Variants in L3MBTL1 observed in about 807,000 individuals in gnomAD.
L3MBTL1 encodes lethal(3)malignant brain tumor-like protein 1.
Under a neutral mutation model 105.3 loss-of-function variants are expected in L3MBTL1, and 75 were observed. The observed-to-expected ratio is 0.71, with a 90% CI of 0.59 to 0.86. The LOEUF is 0.86. Ranked by LOEUF, L3MBTL1 falls within the 40% of genes least tolerant of loss-of-function variation. The pLI is 0.00. For synonymous variants in L3MBTL1, 452 were observed against 436.2 expected, an observed-to-expected ratio of 1.04 and a Z score of -0.45; for missense variants, 1,069 against 1,126.4, an observed-to-expected ratio of 0.95 and a Z score of 0.73.
chr20:43,544,667 A>C (rs533649172), downstream of L3MBTL1, among the ~76,000 whole-genome samples: 1 of 152,316 alleles, frequency 6.6e-6, no homozygotes, highest in African/African-American at 2.4e-5. Flanking sequence ...TCTCTGAATG[A>C]TAAGAACTGA....
chr20:43,530,719 C>T (rs2019291716), intron 10 of L3MBTL1, 79 bp from the exon 11 acceptor site: 2 of 1,338,688 alleles, frequency 1.5e-6, no homozygotes, highest in African/African-American at 2.9e-5. Flanking sequence ...ATGCCTGATT[C>T]TGCTGCTTCA....
At chr20:43,514,290 C>T in intron 3 of L3MBTL1, 1 of 819,488 alleles carries the variant, frequency 1.2e-6, no homozygotes, top group South Asian at 1.8e-5. Context: ...GGGACTGGGC[C>T]TGTGGGTGTC....
At chr20:43,537,450 T>C (rs1423131565) in intron 19 of L3MBTL1, among the ~76,000 whole-genome samples, 9 of 152,074 alleles carry the variant, frequency 5.9e-5, no homozygotes, top group Admixed American at 5.9e-4. Context: ...CTTGTAAGGA[T>C]ACCAATTGAA....
intron 18 of L3MBTL1, among the ~76,000 whole-genome samples, chr20:43,547,102 C>CTTTTTTTTTTT (rs11478523): frequency 8.2e-6 from 1 of 122,646 alleles, no homozygotes; most frequent in African/African-American, 3.2e-5. Context: ...TTTTTAATGA[C>CTTTTTTTTTTT]TTTTTTTTTT....
intron 11 of L3MBTL1, chr20:43,532,462 C>T (rs1242000705): frequency 7.3e-6 from 2 of 273,046 alleles, no homozygotes; most frequent in Non-Finnish European, 1.4e-5. Context: ...AAGGGCTTGT[C>T]TGGGTAGGGA....
At chr20:43,540,118 G>C in intron 19 of L3MBTL1, 33 bp from the exon 20 acceptor site, 1 of 1,606,862 alleles carries the variant, frequency 6.2e-7, no homozygotes, top group Non-Finnish European at 8.5e-7. Context: ...AGTCATCCTC[G>C]TTGGCCTGCC....
At chr20:43,515,190 T>C (rs765660061) in intron 5 of L3MBTL1, 31 bp downstream of exon 5, 1 of 1,614,098 alleles carries the variant, frequency 6.2e-7, no homozygotes, top group Non-Finnish European at 8.5e-7. Flanking sequence ...CCCTACTTGC[T>C]CTACCTTCAG....
At chr20:43,513,180 T>C (rs574401452) in intron 1 of L3MBTL1, among the ~76,000 whole-genome samples, 1 of 152,254 alleles carries the variant, frequency 6.6e-6, no homozygotes, top group East Asian at 1.9e-4. Context: ...TGAGTCATGC[T>C]CCCCAGAGTC....
intron 7 of L3MBTL1, among the ~76,000 whole-genome samples, chr20:43,525,045 G>A (rs189237720): frequency 6.6e-6 from 1 of 152,108 alleles, no homozygotes; most frequent in Admixed American, 6.5e-5. Context: ...AGTAAATGTG[G>A]AGAGATGGAT....
At chr20:43,512,767 T>C (rs1174224017) in intron 1 of L3MBTL1, among the ~76,000 whole-genome samples, 1 of 152,252 alleles carries the variant, frequency 6.6e-6, no homozygotes, top group Non-Finnish European at 1.5e-5. Flanking sequence ...TCTAGGTCTT[T>C]TTCTTTATGT....
chr20:43,536,316 G>A, intron 18 of L3MBTL1, 22 bp downstream of exon 18: 1 of 1,612,154 alleles, frequency 6.2e-7, no homozygotes, highest in Non-Finnish European at 8.5e-7. Context: ...AGGGAATCAG[G>A]GCCCGGGCTT....
intron 12 of L3MBTL1, among the ~76,000 whole-genome samples, 188 bp from the exon 13 acceptor site, chr20:43,533,154 T>C (rs1054711167): frequency 1.3e-5 from 2 of 152,122 alleles, no homozygotes; most frequent in Non-Finnish European, 2.9e-5. Context: ...GATTCATGAT[T>C]TTCCCTTAGA....
chr20:43,520,963 A>C (rs926108718), intron 7 of L3MBTL1, among the ~76,000 whole-genome samples: 3 of 152,216 alleles, frequency 2.0e-5, no homozygotes. Flanking sequence ...GGGTCCATTT[A>C]TACTTCCTAG....
At chr20:43,532,682 C>G in intron 11 of L3MBTL1, 91 bp from the exon 12 acceptor site, 1 of 1,390,656 alleles carries the variant, frequency 7.2e-7, no homozygotes, top group South Asian at 1.3e-5. Flanking sequence ...CCAGGCTTTC[C>G]TAGAGAACCT....
chr20:43,534,841 G>T lies in L3MBTL1; in HGVS notation c.1724G>T (p.Gly575Val). 6.2e-7 allele frequency: 1 copy of T among 1,610,914 alleles called. No homozygotes were observed. Residue 575 changes from glycine to valine, a missense_variant, in exon 16 of 22, where the codon GGC (glycine) becomes GTC (valine). Coordinates refer to ENST00000418998, the MANE Select transcript of L3MBTL1 (RefSeq NM_001377303.1). ...TTTCCTCCCCAGATCCACTTTGATG[G>T]CTGGAGTCATGGCTATGATTTCTGG... ...EDHRIKIHFD[G>V]WSHGYDFWID...
intron 7 of L3MBTL1, among the ~76,000 whole-genome samples, chr20:43,522,430 A>AATGGT (rs2018763023): frequency 6.8e-6 from 1 of 146,406 alleles, no homozygotes; most frequent in South Asian, 2.2e-4. Flanking sequence ...GTGGGATTGT[A>AATGGT]ATGGTAACTG....
chr20:43,513,561 G>T lies in L3MBTL1; in HGVS notation c.58G>T (p.Glu20Ter), dbSNP rs1246824040. 1.9e-6 allele frequency: 3 copies of T among 1,550,742 alleles called. No homozygotes were observed. In the South Asian group the frequency reaches 3.6e-5, roughly 18 times the overall value. The stretch of plus-strand genomic sequence containing the variant: ...GACACTGAAGGGGCCTTCCACAGGG[G>T]AGGTCAGCATGCACTTGGTGGCCGG... ...LRTLKGPSTG[E>*]VSMHLVAGDS... is the part of the protein sequence containing the mutation. The change falls in exon 2 of 22, where the codon GAG (glutamate) becomes TAG (stop). Residue 20 changes from glutamate to a stop codon, truncating the protein, a stop_gained. Transcript: ENST00000418998. LOFTEE classifies it high-confidence loss of function.
intron 19 of L3MBTL1, among the ~76,000 whole-genome samples, chr20:43,536,914 C>A (rs1256814164): frequency 6.6e-6 from 1 of 152,208 alleles, no homozygotes; most frequent in African/African-American, 2.4e-5. Context: ...ACAGTGGTTA[C>A]TACCACTGCT....
intron 7 of L3MBTL1, among the ~76,000 whole-genome samples, chr20:43,526,386 C>T (rs1032575061): frequency 1.3e-5 from 2 of 151,712 alleles, no homozygotes; most frequent in African/African-American, 2.4e-5. Context: ...ATCCTGAAGT[C>T]TACTCTCTCT....
Sources: allele counts gnomAD v4.1 joint callset (sites outside exome capture counted in the v4.1 genomes callset), GRCh38; gene constraint gnomAD v4.1.1; transcripts MANE v1.5; gene names NCBI Gene and HGNC (gene_info 2026-07-23, HGNC 2026-07-21).